KAZN: variants seen among roughly 807,000 people sequenced by gnomAD.
KAZN encodes the protein kazrin.
Under a neutral mutation model 87.4 loss-of-function variants are expected in KAZN, and 40 were observed. The ratio of observed to expected loss-of-function variants is 0.46; its 90% confidence interval spans 0.36 to 0.60. The LOEUF is 0.60. Ranked by LOEUF, KAZN falls within the 20% of genes least tolerant of loss-of-function variation. KAZN has a pLI of 0.00. For missense variants in KAZN, 898 were observed against 1,073.9 expected (o/e 0.84, Z 2.29); for synonymous variants, 466 against 458.3 (o/e 1.02, Z -0.22).
chr1:14,088,884 G>T, intron 1 of KAZN, among the ~76,000 whole-genome samples: 1 of 149,162 alleles, frequency 6.7e-6, no homozygotes, highest in South Asian at 2.1e-4. Flanking sequence ...ATTATGAAAT[G>T]TCCCTCTTTA....
chr1:14,136,553 T>G (rs1426341213), intron 1 of KAZN, among the ~76,000 whole-genome samples: 2 of 152,096 alleles, frequency 1.3e-5, no homozygotes, highest in Admixed American at 6.6e-5. Flanking sequence ...TAAGACAGAA[T>G]GCTGCAGAAA....
chr1:15,001,973 T>A (rs977828442), intron 2 of KAZN, among the ~76,000 whole-genome samples: 2 of 143,160 alleles, frequency 1.4e-5, no homozygotes, highest in Admixed American at 1.5e-4. Flanking sequence ...CTCCGCCTCC[T>A]GGGTTCACGC....
intron 2 of KAZN, among the ~76,000 whole-genome samples, chr1:14,583,063 A>T (rs1278534444): frequency 6.6e-6 from 1 of 152,214 alleles, no homozygotes; most frequent in Non-Finnish European, 1.5e-5. Context: ...CTTTACCCTT[A>T]TCAACTCACT....
chr1:14,858,214 C>CTTTTTTT (rs71000342), intron 1 of KAZN, among the ~76,000 whole-genome samples: 2 of 117,030 alleles, frequency 1.7e-5, no homozygotes, highest in African/African-American at 3.4e-5. Context: ...TTTTTCTTTT[C>CTTTTTTT]TTTTTTTTTT....
chr1:14,455,049 C>T (rs1232558241), intron 2 of KAZN, among the ~76,000 whole-genome samples: 1 of 113,828 alleles, frequency 8.8e-6, no homozygotes, highest in Non-Finnish European at 2.0e-5. Context: ...TAGCAATGAG[C>T]TTCCCCAGAG....
At chr1:14,074,910 T>G (rs72861273) in intron 1 of KAZN, among the ~76,000 whole-genome samples, 2,318 of 152,322 alleles carry the variant, frequency 0.015, 42 homozygotes, top group African/African-American at 0.043. Context: ...AATTTGCTTT[T>G]CCACCCTCTA....
intron 2 of KAZN, among the ~76,000 whole-genome samples, chr1:14,368,763 A>G (rs1054420294): frequency 6.6e-6 from 1 of 152,192 alleles, no homozygotes; most frequent in African/African-American, 2.4e-5. Flanking sequence ...ATCGATTTTT[A>G]TAGTGTCTAA....
chr1:14,652,561 C>T (rs112357464), intron 1 of KAZN, among the ~76,000 whole-genome samples: 1 of 2,518 alleles, frequency 4.0e-4, no homozygotes. Flanking sequence ...ATTCACCCAT[C>T]CACCCACCCA....
intron 1 of KAZN, among the ~76,000 whole-genome samples, chr1:14,932,760 G>T (rs1479238277): frequency 6.6e-6 from 1 of 150,762 alleles, no homozygotes; most frequent in Admixed American, 6.6e-5. Flanking sequence ...TGACTCCAGG[G>T]TGGAGTTCAG....
intron 2 of KAZN, among the ~76,000 whole-genome samples, chr1:14,235,590 A>G (rs555172906): frequency 9.3e-4 from 141 of 152,338 alleles, no homozygotes; most frequent in South Asian, 3.3e-3. Flanking sequence ...TCACTTTAAA[A>G]GGGTGAATTT....
At chr1:13,963,274 G>A (rs1191403733) in intron 1 of KAZN, among the ~76,000 whole-genome samples, 1 of 152,158 alleles carries the variant, frequency 6.6e-6, no homozygotes, top group Non-Finnish European at 1.5e-5. Flanking sequence ...TCAGAAGGTG[G>A]AAGTGAGCAA....
chr1:14,685,087 A>G (rs867303452), intron 1 of KAZN, among the ~76,000 whole-genome samples: 2 of 152,320 alleles, frequency 1.3e-5, no homozygotes, highest in South Asian at 4.2e-4. Flanking sequence ...AAATTCTGAG[A>G]CAAGGATTCA....
chr1:14,505,055 A>G (rs9943037), intron 2 of KAZN, among the ~76,000 whole-genome samples: 151,701 of 152,298 alleles, frequency 1, 75,555 homozygotes, highest in East Asian at 1. Flanking sequence ...CTACTTCCTC[A>G]TCCCTTTTCT....
intron 1 of KAZN, among the ~76,000 whole-genome samples, chr1:14,613,257 C>G (rs1332767900): frequency 6.6e-6 from 1 of 152,234 alleles, no homozygotes; most frequent in Non-Finnish European, 1.5e-5. Flanking sequence ...GCTCAACTCA[C>G]AGAGGCTGGC....
At chr1:14,090,076 T>C in intron 1 of KAZN, among the ~76,000 whole-genome samples, 1 of 152,084 alleles carries the variant, frequency 6.6e-6, no homozygotes, top group Non-Finnish European at 1.5e-5. Flanking sequence ...TTCTGTAATG[T>C]GATTATTTTG....
chr1:15,013,691 G>A (rs1007242525), intron 2 of KAZN, among the ~76,000 whole-genome samples: 3 of 151,834 alleles, frequency 2.0e-5, no homozygotes, highest in Non-Finnish European at 2.9e-5. Context: ...GGAGGCGGAG[G>A]TTGAATGAGC....
chr1:14,599,135 CGGCCCG>C lies in KAZN; in HGVS notation c.147_152del (p.Pro50_Gly51del). 6.8e-7 allele frequency: 1 copy of C among 1,472,614 alleles called. No individual in the cohort carries two copies. The highest frequency in any genetic ancestry group is 1.9e-4 in the Middle Eastern group (1 of 5,216). The allele number at this position is 1,472,614 out of a possible 1,614,324, so 91.2% of individuals were successfully genotyped here. A position where few individuals can be genotyped will look rare whatever the true frequency, so the allele number is the denominator to read the frequency against. ...CGGAACTGAGCGGCGGCGGCGGCCCCGGCCCGGGCCCGGGAGCCGCGGCCAGCGCCT... is the reference window on the plus strand; with the variant it reads ...CGGAACTGAGCGGCGGCGGCGGCCCCGGCCCGGGAGCCGCGGCCAGCGCCT... On this transcript the variant is annotated inframe_deletion, in exon 1 of 15. Coordinates refer to ENST00000376030, the MANE Select transcript of KAZN (RefSeq NM_201628.3). This position sits in a 1 kb window ranked among gnomAD's most constrained non-coding sequence, Gnocchi z 4.4.
At chr1:14,793,035 G>A (rs971555609) in intron 1 of KAZN, among the ~76,000 whole-genome samples, 10 of 151,878 alleles carry the variant, frequency 6.6e-5, no homozygotes, top group Non-Finnish European at 8.8e-5. Context: ...GAAAGCAGCC[G>A]GAGGAGATGA....
At chr1:14,557,813 T>C (rs1400324358) in intron 2 of KAZN, among the ~76,000 whole-genome samples, 1 of 152,038 alleles carries the variant, frequency 6.6e-6, no homozygotes, top group Non-Finnish European at 1.5e-5. Flanking sequence ...AGAGTGATGG[T>C]GCATGTCTGA....
Sources: allele counts gnomAD v4.1 joint callset (sites outside exome capture counted in the v4.1 genomes callset), GRCh38; gene constraint gnomAD v4.1.1; non-coding constraint Gnocchi (gnomAD v3.1); transcripts MANE v1.5; gene names NCBI Gene and HGNC (gene_info 2026-07-23, HGNC 2026-07-21).